ALK: variants seen among roughly 807,000 people sequenced by gnomAD.
The protein encoded by ALK is ALK receptor tyrosine kinase, also known as ALK tyrosine kinase receptor.
Under a neutral mutation model 163.1 loss-of-function variants are expected in ALK, and 74 were observed. That is an observed-to-expected ratio of 0.45 (90% CI 0.38 to 0.55). The LOEUF (loss-of-function observed/expected upper bound fraction) is 0.55, where lower values mean the gene tolerates loss of function less well. Among genes scored for constraint, ALK ranks in the 20% least tolerant of loss-of-function variants. The probability of loss-of-function intolerance (pLI) is 0.00; values close to 1 mark genes in which losing one functional copy is unlikely to be tolerated. For missense variants in ALK, 2,063 were observed against 2,105.3 expected, an observed-to-expected ratio of 0.98 and a Z score of 0.39; for synonymous variants, 960 against 843.2, an observed-to-expected ratio of 1.14 and a Z score of -2.40.
At chr2:29,375,458 A>C (rs2148295912) in intron 5 of ALK, among the ~76,000 whole-genome samples, 1 of 152,166 alleles carries the variant, frequency 6.6e-6, no homozygotes, top group South Asian at 2.1e-4. Context: ...AGCTGGGACT[A>C]CAGGCGCCCA....
At chr2:29,864,681 G>T (rs1443272321) in intron 1 of ALK, among the ~76,000 whole-genome samples, 1 of 152,068 alleles carries the variant, frequency 6.6e-6, no homozygotes, top group African/African-American at 2.4e-5. Context: ...GTAATCATGG[G>T]GAAAGAGAAG....
chr2:29,554,704 T>C (rs1414873617), intron 3 of ALK, among the ~76,000 whole-genome samples: 1 of 152,190 alleles, frequency 6.6e-6, no homozygotes, highest in Admixed American at 6.5e-5. Context: ...GAATAGGGTC[T>C]GGGTAAAATG....
chr2:29,369,418 G>A (rs1294935478), intron 5 of ALK, among the ~76,000 whole-genome samples: 1 of 152,184 alleles, frequency 6.6e-6, no homozygotes, highest in African/African-American at 2.4e-5. Context: ...GAGATCATCA[G>A]AGGATCTTTG....
chr2:29,771,164 CA>C (rs2148344205), intron 1 of ALK, among the ~76,000 whole-genome samples: 1 of 152,116 alleles, frequency 6.6e-6, no homozygotes, highest in South Asian at 2.1e-4. Flanking sequence ...CATACATACA[CA>C]AATACACACA....
At chr2:29,493,856 C>T (rs1671960578) in intron 4 of ALK, among the ~76,000 whole-genome samples, 2 of 152,308 alleles carry the variant, frequency 1.3e-5, no homozygotes, top group South Asian at 2.1e-4. Context: ...CCCAGTGAGG[C>T]CCTCTTTGCA....
intron 1 of ALK, among the ~76,000 whole-genome samples, chr2:29,898,364 C>A (rs932036060): frequency 6.6e-6 from 1 of 152,174 alleles, no homozygotes; most frequent in Non-Finnish European, 1.5e-5. Context: ...TTTGATTAAC[C>A]TTTATCTGGA....
chr2:29,577,842 G>A (rs765287133), intron 3 of ALK, among the ~76,000 whole-genome samples: 4 of 152,172 alleles, frequency 2.6e-5, no homozygotes, highest in African/African-American at 7.2e-5. Flanking sequence ...AAGCCAATTC[G>A]TCAGACACCC....
intron 3 of ALK, among the ~76,000 whole-genome samples, chr2:29,586,808 T>C (rs372855982): frequency 1.2e-4 from 18 of 152,360 alleles, no homozygotes; most frequent in African/African-American, 4.3e-4. Context: ...TTTATAGATA[T>C]ATCCCTTTTC....
chr2:29,646,763 C>T (rs968515624), intron 3 of ALK, among the ~76,000 whole-genome samples: 4 of 152,182 alleles, frequency 2.6e-5, no homozygotes, highest in African/African-American at 9.6e-5. Flanking sequence ...TCAAATTTCT[C>T]TGTCACACAA....
At chr2:29,409,552 G>C (rs1445743929) in intron 4 of ALK, among the ~76,000 whole-genome samples, 1 of 152,024 alleles carries the variant, frequency 6.6e-6, no homozygotes, top group African/African-American at 2.4e-5. Flanking sequence ...CCTCCAGAGG[G>C]GAGGACACAA....
chr2:29,425,221 T>C (rs554381759), intron 4 of ALK, among the ~76,000 whole-genome samples: 35 of 152,350 alleles, frequency 2.3e-4, no homozygotes, highest in Admixed American at 7.2e-4. Context: ...ATTTGTAACA[T>C]TGGGACCATG....
rs534821520 is a variant in ALK, at chr2:29,196,702, C to A, written c.4164+68G>T. 5 of 1,100,624 alleles carry A rather than the reference C, an allele frequency of 4.5e-6. No individual in the cohort carries two copies. The African/African-American group carries it at 4.6e-5, about 10-fold the overall frequency. The allele number at this position is 1,100,624 out of a possible 1,614,324, so 68.2% of individuals were successfully genotyped here. ...GACTGGCTTGACCTATTTCATATTTCGGTATTTGCCATCTTTAAGACTGTT... is the reference window on the plus strand; with the variant it reads ...GACTGGCTTGACCTATTTCATATTTAGGTATTTGCCATCTTTAAGACTGTT... On this transcript the variant is annotated intron_variant, in intron 28 of 28. Coordinates refer to ENST00000389048, the MANE Select transcript of ALK (RefSeq NM_004304.5).
At chr2:29,695,718 A>T (rs1678536493) in intron 2 of ALK, among the ~76,000 whole-genome samples, 1 of 152,214 alleles carries the variant, frequency 6.6e-6, no homozygotes, top group Non-Finnish European at 1.5e-5. Context: ...ATGAACAGAC[A>T]TTTCTCAAAA....
intron 1 of ALK, among the ~76,000 whole-genome samples, chr2:29,768,975 A>G (rs1680941581): frequency 6.6e-6 from 1 of 152,108 alleles, no homozygotes; most frequent in Admixed American, 6.5e-5. Flanking sequence ...CTGTGACTAC[A>G]GGTGCACACC....
At chr2:29,219,941 G>A (rs72852028) in intron 23 of ALK, among the ~76,000 whole-genome samples, 3,258 of 152,280 alleles carry the variant, frequency 0.021, 110 homozygotes, top group African/African-American at 0.07. Flanking sequence ...TACTTGAGAC[G>A]TGAGGACTGT....
intron 4 of ALK, among the ~76,000 whole-genome samples, chr2:29,476,979 T>C (rs1292418040): frequency 6.6e-6 from 1 of 152,150 alleles, no homozygotes; most frequent in Non-Finnish European, 1.5e-5. Flanking sequence ...CTCATTCACA[T>C]ATGTCCTGAT....
intron 3 of ALK, among the ~76,000 whole-genome samples, chr2:29,638,240 G>A (rs981935740): frequency 6.6e-6 from 1 of 152,182 alleles, no homozygotes; most frequent in Non-Finnish European, 1.5e-5. Context: ...GAAAGGTAAT[G>A]GTGTCTACCA....
Position 29,283,734 on chromosome 2 carries a change from T to C in ALK, c.1818-8238A>G, listed in dbSNP as rs922942615. 4.6e-5 allele frequency among the ~76,000 whole-genome samples: 7 copies of C among 152,262 alleles called. No homozygotes were observed. The East Asian group carries it at 5.8e-4, about 13-fold the overall frequency. ...AGAATCTATGTAAGATGTGTTTTTT[T>C]CCCCCAACAATGGAACCCTTTGTTT... is the stretch of plus-strand genomic sequence containing the variant. On this transcript the variant is annotated intron_variant, in intron 9 of 28. Transcript: ENST00000389048.
chr2:29,622,421 C>T (rs371840041), intron 3 of ALK, among the ~76,000 whole-genome samples: 5 of 152,116 alleles, frequency 3.3e-5, no homozygotes, highest in African/African-American at 1.2e-4. Context: ...GTGGAAAGCC[C>T]TAAATCCATC....
Sources: gnomAD v4.1 joint callset for allele counts (sites outside exome capture counted in the v4.1 genomes callset) on GRCh38, gnomAD v4.1.1 for gene constraint, MANE v1.5 for transcripts, NCBI Gene and HGNC (gene_info 2026-07-23, HGNC 2026-07-21) for gene names.